Variants in CHTF18 observed in about 807,000 individuals in gnomAD.
CHTF18 encodes chromosome transmission fidelity protein 18 homolog.
CHTF18 carries 151 observed loss-of-function variants against 113.4 expected under a neutral mutation model. That is an observed-to-expected ratio of 1.33 (90% CI 1.17 to 1.52). The LOEUF (loss-of-function observed/expected upper bound fraction) is 1.52. Among genes scored for constraint, CHTF18 ranks in the 40% most tolerant of loss-of-function variants. The pLI is 0.00. For synonymous variants in CHTF18, 916 were observed against 598.8 expected (o/e 1.53, Z -7.74); for missense variants, 1,982 against 1,381.6 (o/e 1.43, Z -6.89).
Position 796,838 on chromosome 16 carries a change from G to A in CHTF18, c.2578G>A (p.Ala860Thr). ...VEKMRRAEAS[A>T]RVENSPQVDG... is the part of the protein sequence containing the mutation. ...GAAGATGCGGCGGGCGGAGGCTTCT[G>A]CCCGGGTAGAGAACAGCCCCCAGGT... Residue 860 changes from alanine to threonine, a missense_variant, in exon 19 of 22, where the codon GCC (alanine) becomes ACC (threonine). By Grantham distance (58) the Ala-to-Thr change is moderately conservative (BLOSUM62 0). Coordinates refer to ENST00000262315, the MANE Select transcript of CHTF18 (RefSeq NM_022092.3). 5.6e-6 allele frequency: 9 copies of A among 1,606,318 alleles called. No individual in the cohort carries two copies. The highest frequency in any genetic ancestry group is 2.2e-5 in the East Asian group (1 of 44,768).
Position 788,720 on chromosome 16 carries a change from G to C in CHTF18, c.36G>C (p.Glu12Asp). The C allele has an allele frequency of 1.2e-6, 2 of 1,602,772 alleles. No individual in the cohort carries two copies. Among genetic ancestry groups the C allele is most frequent in the South Asian group, 1.1e-5 (1 of 89,680 alleles). ...ACGAGCAGGAGCTGTGCGGCGTCGA[G>C]GATGATTTCCACAACCAGTTCGCGG... is the stretch of plus-strand genomic sequence containing the variant. ...EDYEQELCGV[E>D]DDFHNQFAAE... Residue 12 changes from glutamate (E) to aspartate (D), a missense_variant, in exon 1 of 22, where the codon GAG (glutamate) becomes GAC (aspartate). Glu to Asp is a conservative substitution (Grantham distance 45). Coordinates refer to ENST00000262315, the MANE Select transcript of CHTF18 (RefSeq NM_022092.3).
chr16:789,219 T>G lies in CHTF18; in HGVS notation c.296T>G (p.Ile99Ser), dbSNP rs1454835021. 6.4e-7 allele frequency: 1 copy of G among 1,551,546 alleles called. No homozygotes were observed. The highest frequency in any genetic ancestry group is 8.7e-7 in the Non-Finnish European group (1 of 1,147,704). ...CATGTGTCTCCCCCAGCCCCCAGGA[T>G]CAAACGGCCTAGGCTGCAGGTGGTC... The part of the protein sequence containing the change: ...PAGSLPHAPR[I>S]KRPRLQVVKR... Residue 99 changes from isoleucine (I) to serine (S), a missense_variant, in exon 3 of 22, where the codon ATC (isoleucine) becomes AGC (serine). Coordinates refer to ENST00000262315, the MANE Select transcript of CHTF18 (RefSeq NM_022092.3).
chr16:793,973 CCT>C, intron 14 of CHTF18, 79 bp from the exon 15 acceptor site: 1 of 1,486,230 alleles, frequency 6.7e-7, no homozygotes. Context: ...TCTGATGGGG[CCT>C]CTGAGTGTCC....
chr16:789,180 C>T (rs1002519499), intron 2 of CHTF18, 30 bp from the exon 3 acceptor site: 57 of 1,550,112 alleles, frequency 3.7e-5, no homozygotes, highest in Non-Finnish European at 4.4e-5. Flanking sequence ...GCTGAGGAGG[C>T]CTCTGGTTCC....
intron 18 of CHTF18, 86 bp from the exon 19 acceptor site, chr16:796,631 G>C: frequency 7.1e-7 from 1 of 1,415,740 alleles, no homozygotes; most frequent in Non-Finnish European, 9.3e-7. Context: ...TGTGGCTTTT[G>C]GGGTTTGCGG....
Position 789,569 on chromosome 16 carries a change from G to GATAAGCT in CHTF18, c.460_461insATAAGCT (p.Val154AspfsTer44). 1 of 1,604,192 alleles carries GATAAGCT rather than the reference G, an allele frequency of 6.2e-7. No homozygotes were observed. The highest frequency in any genetic ancestry group is 1.7e-5 in the Admixed American group (1 of 59,158). ...CAGAGTCTCAGAAGCTGCTGCCGAC[G>GATAAGCT]TGGGTCTCACACGGGCCTCACCAGC... is the stretch of plus-strand genomic sequence containing the variant. On this transcript the variant is annotated frameshift_variant, in exon 4 of 22. Transcript: ENST00000262315. LOFTEE classifies it high-confidence loss of function.
chr16:791,620 G>A lies in CHTF18; in HGVS notation c.1105-231G>A, dbSNP rs567457280. 124 of 1,430,386 alleles carry A rather than the reference G, an allele frequency of 8.7e-5. No homozygotes were observed. The African/African-American group carries it at 1.6e-3, about 19-fold the overall frequency. 88.6% of individuals were successfully genotyped at this position (1,430,386 alleles called of 1,614,324 possible). The stretch of plus-strand genomic sequence containing the variant: ...GACGGTGGGTGGTTTCTGGGGGCCA[G>A]TCACACTGGTATCAGCTGTGTTTTG... On this transcript the variant is annotated intron_variant, in intron 8 of 21. Coordinates refer to ENST00000262315, the MANE Select transcript of CHTF18 (RefSeq NM_022092.3).
rs2294449 is a variant in CHTF18, at chr16:797,212, G to A, written c.2733+120G>A. 9.3e-3 allele frequency: 11,439 copies of A among 1,232,266 alleles called. 636 individuals are homozygous for A. In the South Asian group the frequency reaches 0.12, roughly 13 times the overall value. 76.3% of individuals were successfully genotyped at this position (1,232,266 alleles called of 1,614,324 possible). A position where few individuals can be genotyped will look rare whatever the true frequency, so the allele number is the denominator to read the frequency against. Reference sequence around the variant, plus strand: ...GTGGGGCCAGGGTACCTTTGTGGGTGTGGCTAGGGCCCCTCATGAGGCAGG... The same window carrying A: ...GTGGGGCCAGGGTACCTTTGTGGGTATGGCTAGGGCCCCTCATGAGGCAGG... On this transcript the variant is annotated intron_variant, in intron 20 of 21. Transcript: ENST00000262315.
intron 4 of CHTF18, 171 bp downstream of exon 4, chr16:789,886 C>T (rs986049815): frequency 1.3e-5 from 17 of 1,350,390 alleles, no homozygotes; most frequent in East Asian, 5.0e-5. Flanking sequence ...ACAGCCTCCC[C>T]ACAGCAGGTT....
At position 789,533 on chromosome 16, in the gene CHTF18, C is replaced by T. The variant is rs763345099; in HGVS notation, c.438-14C>T. 6.5e-5 allele frequency: 103 copies of T among 1,585,338 alleles called. No homozygotes were observed. Among genetic ancestry groups the T allele is most frequent in the Middle Eastern group, 1.7e-4 (1 of 5,976 alleles). On this transcript the variant is annotated splice_polypyrimidine_tract_variant and intron_variant, in intron 3 of 21. Transcript: ENST00000262315. ...CGCTTGAGTTTCTGCCACTGAGCCC[C>T]GGTCTCTCTCCAGAGTCTCAGAAGC...
intron 8 of CHTF18, 110 bp downstream of exon 8, chr16:791,480 T>C: frequency 6.9e-7 from 1 of 1,454,980 alleles, no homozygotes; most frequent in Non-Finnish European, 9.0e-7. Context: ...TGGTGACGTG[T>C]GGGTCTTGGC....
At chr16:797,118 G>A (rs2151651195) in intron 20 of CHTF18, 26 bp downstream of exon 20, 1 of 1,496,356 alleles carries the variant, frequency 6.7e-7, no homozygotes, top group Non-Finnish European at 8.9e-7. Flanking sequence ...CTGTGGGGGT[G>A]GGACCAGGGT....
intron 11 of CHTF18, 48 bp downstream of exon 11, chr16:792,638 G>C: frequency 6.3e-7 from 1 of 1,591,670 alleles, no homozygotes; most frequent in Non-Finnish European, 8.5e-7. Flanking sequence ...CTGGTGCCTG[G>C]AGGGAGGGTT....
Position 789,220 on chromosome 16 carries a change from C to G in CHTF18, c.297C>G (p.Ile99Met). Reference sequence around the variant, plus strand: ...ATGTGTCTCCCCCAGCCCCCAGGATCAAACGGCCTAGGCTGCAGGTGGTCA... The same window carrying G: ...ATGTGTCTCCCCCAGCCCCCAGGATGAAACGGCCTAGGCTGCAGGTGGTCA... ...PAGSLPHAPR[I>M]KRPRLQVVKR... The change falls in exon 3 of 22, where the codon ATC (isoleucine) becomes ATG (methionine). Residue 99 changes from isoleucine to methionine, a missense_variant. Ile to Met is a conservative substitution (Grantham distance 10). Transcript: ENST00000262315. 1 of 1,551,756 alleles carries G rather than the reference C, an allele frequency of 6.4e-7. No individual in the cohort carries two copies. The highest frequency in any genetic ancestry group is 2.0e-5 in the Admixed American group (1 of 51,174).
chr16:788,649 G>A lies in CHTF18; in HGVS notation c.-36G>A. The A allele has an allele frequency of 2.1e-6, 3 of 1,461,140 alleles. No homozygotes were observed. The highest frequency in any genetic ancestry group is 2.7e-6 in the Non-Finnish European group (3 of 1,101,112). The allele number at this position is 1,461,140 out of a possible 1,614,324, so 90.5% of individuals were successfully genotyped here. A position where few individuals can be genotyped will look rare whatever the true frequency, so the allele number is the denominator to read the frequency against. On this transcript the variant is annotated 5_prime_UTR_variant, in exon 1 of 22. Coordinates refer to ENST00000262315, the MANE Select transcript of CHTF18 (RefSeq NM_022092.3). ...AGTGCGCGACGGCGGCGGCGGCGCG[G>A]GAGGTTCGGAGCGGGAGCTCGGGCT...
rs373526401 is a variant in CHTF18 at position 792,548 on chromosome 16, G to C, written c.1436G>C (p.Gly479Ala). 5.6e-6 allele frequency: 9 copies of C among 1,596,870 alleles called. No homozygotes were observed. The highest frequency in any genetic ancestry group is 1.8e-5 in the Admixed American group (1 of 54,584). ...SGGGRRRRAE[G>A]GLLMRPIICI... ...GGCGGCCGACGGCGCCGGGCAGAGG[G>C]GGGGCTCCTCATGAGGCCCATTATC... is the stretch of plus-strand genomic sequence containing the variant. Residue 479 changes from glycine (G) to alanine (A), a missense_variant, in exon 11 of 22, where the codon GGG (glycine) becomes GCG (alanine). Transcript: ENST00000262315.
rs1363899532 is a variant in CHTF18 at position 797,092 on chromosome 16, G to T, written c.2733G>T (p.Gln911His). 2 of 1,513,916 alleles carry T rather than the reference G, an allele frequency of 1.3e-6. No individual in the cohort carries two copies. The allele number at this position is 1,513,916 out of a possible 1,614,324, so 93.8% of individuals were successfully genotyped here. Residue 911 changes from glutamine (Q) to histidine (H), a missense_variant and splice_region_variant, in exon 20 of 22, where the codon CAG becomes CAT. Transcript: ENST00000262315. ...TGAGGCGAGCGGCCCGGGAGGAACAGGTGTGGAATGGGCAGCTGTGGGGGT... is the reference window on the plus strand; with the variant it reads ...TGAGGCGAGCGGCCCGGGAGGAACATGTGTGGAATGGGCAGCTGTGGGGGT... The part of the protein sequence containing the change: ...HIMRRAAREE[Q>H]PEKDFFGRVV...
rs1370181920 is a variant in CHTF18, at chr16:796,564, C to T, written c.2457-153C>T. 3 of 885,854 alleles carry T rather than the reference C, an allele frequency of 3.4e-6. No individual in the cohort carries two copies. In the African/African-American group the frequency reaches 5.1e-5, roughly 15 times the overall value. 54.9% of individuals were successfully genotyped at this position (885,854 alleles called of 1,614,324 possible). A position where few individuals can be genotyped will look rare whatever the true frequency, so the allele number is the denominator to read the frequency against. ...GGCTCGGGGCAGTTAAACCTGGCTG[C>T]CGCAGGGTTGGGGTGCGGTGGCACC... On this transcript the variant is annotated intron_variant, in intron 18 of 21. Transcript: ENST00000262315.
rs754929915 is a variant in CHTF18, at chr16:796,972, C to G, written c.2613C>G (p.Ser871Arg). The change falls in exon 20 of 22, where the codon AGC becomes AGG. Residue 871 changes from serine (S) to arginine (R), a missense_variant. Ser to Arg is a moderately radical substitution (Grantham distance 110, BLOSUM62 -1). Transcript: ENST00000262315. ...RVENSPQVDG[S>R]PPGLEGLLGG... ...CCTGCTCCCTACAGGTGGATGGGAG[C>G]CCCCCAGGGCTCGAGGGTCTGCTGG... The G allele has an allele frequency of 1.3e-6, 2 of 1,522,898 alleles. No homozygotes were observed. Among genetic ancestry groups the G allele is most frequent in the Non-Finnish European group, 8.8e-7 (1 of 1,133,838 alleles). 94.3% of individuals were successfully genotyped at this position (1,522,898 alleles called of 1,614,324 possible).
Sources: allele counts gnomAD v4.1 joint callset, GRCh38; gene constraint gnomAD v4.1.1; transcripts MANE v1.5; gene names NCBI Gene and HGNC (gene_info 2026-07-23, HGNC 2026-07-21).